Variants in CTNND1 observed in about 807,000 individuals in gnomAD.
The protein encoded by CTNND1 is catenin delta 1, also known as catenin delta-1.
A neutral mutation model predicts 112.1 loss-of-function variants in CTNND1; 16 were observed. That is an observed-to-expected ratio of 0.14 (90% CI 0.10 to 0.22). The LOEUF (loss-of-function observed/expected upper bound fraction) is 0.22. Among genes scored for constraint, CTNND1 ranks in the 10% least tolerant of loss-of-function variants. The pLI, the probability that CTNND1 is intolerant of heterozygous loss-of-function variation, is 1.00. For synonymous variants in CTNND1, 420 were observed against 446.5 expected (o/e 0.94, Z 0.75); for missense variants, 1,008 against 1,257.0 (o/e 0.80, Z 3.00).
intron 1 of CTNND1, among the ~76,000 whole-genome samples, chr11:57,775,423 G>A (rs1953970437): frequency 6.6e-6 from 1 of 151,902 alleles, no homozygotes; most frequent in Non-Finnish European, 1.5e-5. Context: ...CGAGAAGGTC[G>A]TTAATTTGAA....
intron 10 of CTNND1, 93 bp downstream of exon 10, chr11:57,806,128 T>TG (rs2062633537): frequency 2.8e-6 from 4 of 1,446,094 alleles, no homozygotes; most frequent in African/African-American, 1.4e-5. Flanking sequence ...GGCAACAGTA[T>TG]GGGAGTCTGC....
At chr11:57,768,518 C>G (rs976405508) in intron 1 of CTNND1, among the ~76,000 whole-genome samples, 2 of 150,316 alleles carry the variant, frequency 1.3e-5, no homozygotes, top group Admixed American at 6.7e-5. Context: ...CTCAGCCTCC[C>G]GAGTAGCTGG....
chr11:57,786,628 T>C (rs1337147248), intron 1 of CTNND1, among the ~76,000 whole-genome samples: 1 of 152,208 alleles, frequency 6.6e-6, no homozygotes, highest in Non-Finnish European at 1.5e-5. Flanking sequence ...CAAAGTCAGC[T>C]GAAGGTTTGT....
At chr11:57,773,945 AAAC>A (rs1039763231) in intron 1 of CTNND1, among the ~76,000 whole-genome samples, 2 of 152,046 alleles carry the variant, frequency 1.3e-5, no homozygotes, top group African/African-American at 4.8e-5. Context: ...TCAAAAAACA[AAAC>A]AATTTTATTT....
In CTNND1 at chr11:57,761,848, A is replaced by C; in HGVS notation, c.-485A>C. ...GGCTCCCTTGCCTTTGGCTGGGTGC[A>C]ACTTCCATTTTAGGTGTTGGATCTG... On this transcript the variant is annotated 5_prime_UTR_variant, in exon 1 of 21. Transcript: ENST00000399050. 3 of 985,284 alleles carry C rather than the reference A, an allele frequency of 3.0e-6. No homozygotes were observed. The highest frequency in any genetic ancestry group is 3.6e-6 in the Non-Finnish European group (3 of 829,936). The allele number at this position is 985,284 out of a possible 1,614,324, so 61.0% of individuals were successfully genotyped here. A position where few individuals can be genotyped will look rare whatever the true frequency, so the allele number is the denominator to read the frequency against.
chr11:57,796,414 A>G (rs1431201776), intron 5 of CTNND1, 43 bp from the exon 6 acceptor site: 1 of 1,504,376 alleles, frequency 6.6e-7, no homozygotes. Flanking sequence ...TTAATTGCTC[A>G]CTTCCTTAAT....
rs1162162561 is a variant in CTNND1, at chr11:57,788,859, G to A, written c.-213-178G>A. ...GGTTTTAATGAAAATGACATCCAAG[G>A]CCTAGGTATCTGAACACAACAAGGT... On this transcript the variant is annotated intron_variant, in intron 1 of 20. Coordinates refer to ENST00000399050, the MANE Select transcript of CTNND1 (RefSeq NM_001085458.2). This position sits in a 1 kb window ranked among gnomAD's most constrained non-coding sequence, Gnocchi z 4.1. Among the ~76,000 whole-genome samples, 2 of 152,148 alleles carry A rather than the reference G, an allele frequency of 1.3e-5. No homozygotes were observed. The highest frequency in any genetic ancestry group is 1.3e-4 in the Admixed American group (2 of 15,278).
chr11:57,808,098 C>T (rs1313630899), intron 12 of CTNND1, 67 bp from the exon 13 acceptor site: 4 of 1,534,610 alleles, frequency 2.6e-6, no homozygotes, highest in Non-Finnish European at 3.5e-6. Flanking sequence ...GGCTGGACTC[C>T]AGCCAGCTAG....
At chr11:57,764,090 G>A (rs953412780) in intron 1 of CTNND1, 2 of 152,064 alleles carry the variant, frequency 1.3e-5, no homozygotes, top group East Asian at 3.8e-4. Flanking sequence ...TAAATTTTTT[G>A]TTTTGCTCAT....
intron 1 of CTNND1, among the ~76,000 whole-genome samples, chr11:57,782,605 A>T (rs140984717): frequency 1.3e-5 from 2 of 152,366 alleles, no homozygotes; most frequent in African/African-American, 4.8e-5. Context: ...GCCAAAACTC[A>T]GTGATTGGCA....
chr11:57,807,538 G>A (rs919543553), intron 12 of CTNND1, among the ~76,000 whole-genome samples: 5 of 149,298 alleles, frequency 3.3e-5, no homozygotes, highest in South Asian at 2.1e-4. Flanking sequence ...TCTGGGAAGC[G>A]GAGGTTGCAG....
At chr11:57,791,885 T>G (rs2060786082) in intron 3 of CTNND1, among the ~76,000 whole-genome samples, 1 of 152,200 alleles carries the variant, frequency 6.6e-6, no homozygotes, top group Non-Finnish European at 1.5e-5. Flanking sequence ...TCTAGAAGCA[T>G]CCATCTGACT....
At chr11:57,807,296 G>C (rs1168514752) in intron 12 of CTNND1, among the ~76,000 whole-genome samples, 1 of 152,120 alleles carries the variant, frequency 6.6e-6, no homozygotes, top group African/African-American at 2.4e-5. Flanking sequence ...ATTAAAAGAG[G>C]CTTCTTTACC....
At chr11:57,786,515 T>A (rs1591377832) in intron 1 of CTNND1, among the ~76,000 whole-genome samples, 1 of 151,992 alleles carries the variant, frequency 6.6e-6, no homozygotes, top group South Asian at 2.1e-4. Flanking sequence ...CCTGGGCCAC[T>A]AAGCGAGACT....
At chr11:57,782,939 G>A (rs2059732058) in intron 1 of CTNND1, among the ~76,000 whole-genome samples, 1 of 152,220 alleles carries the variant, frequency 6.6e-6, no homozygotes, top group Non-Finnish European at 1.5e-5. Flanking sequence ...ATTAACAGAA[G>A]ATGAGTCTTC....
Position 57,791,465 on chromosome 11 carries a change from C to T in CTNND1, c.-14C>T, listed in dbSNP as rs773666095. On this transcript the variant is annotated 5_prime_UTR_variant, in exon 3 of 21. Coordinates refer to ENST00000399050, the MANE Select transcript of CTNND1 (RefSeq NM_001085458.2). ...TTTTTACCCTGCCCTGCGGCGGCTCCGCCCCTTACCTTCATGGACGACTCA... is the reference window on the plus strand; with the variant it reads ...TTTTTACCCTGCCCTGCGGCGGCTCTGCCCCTTACCTTCATGGACGACTCA... 8.2e-6 allele frequency: 12 copies of T among 1,465,834 alleles called. No individual in the cohort carries two copies. Among genetic ancestry groups the T allele is most frequent in the South Asian group, 2.7e-5 (2 of 74,316 alleles). 90.8% of individuals were successfully genotyped at this position (1,465,834 alleles called of 1,614,324 possible).
rs767391083 is a variant in CTNND1 at position 57,791,461 on chromosome 11, G to A, written c.-18G>A. On this transcript the variant is annotated 5_prime_UTR_variant, in exon 3 of 21. Transcript: ENST00000399050. ...TTCCTTTTTACCCTGCCCTGCGGCG[G>A]CTCCGCCCCTTACCTTCATGGACGA... is the stretch of plus-strand genomic sequence containing the variant. The A allele has an allele frequency of 5.0e-4, 732 of 1,455,812 alleles. No homozygotes were observed. The highest frequency in any genetic ancestry group is 6.3e-4 in the Non-Finnish European group (690 of 1,097,464). 90.2% of individuals were successfully genotyped at this position (1,455,812 alleles called of 1,614,324 possible). A position where few individuals can be genotyped will look rare whatever the true frequency, so the allele number is the denominator to read the frequency against.
intron 1 of CTNND1, among the ~76,000 whole-genome samples, chr11:57,769,943 C>T (rs1227332492): frequency 6.6e-6 from 1 of 152,150 alleles, no homozygotes; most frequent in East Asian, 1.9e-4. Flanking sequence ...ATTACTTTCT[C>T]CGGAGTAAAT....
chr11:57,796,161 C>T (rs11229132), intron 5 of CTNND1, among the ~76,000 whole-genome samples: 2,475 of 151,934 alleles, frequency 0.016, 59 homozygotes, highest in African/African-American at 0.056. Flanking sequence ...CTGAGGTGGG[C>T]GGATCACGAG....
Sources: gnomAD v4.1 joint callset for allele counts (sites outside exome capture counted in the v4.1 genomes callset) on GRCh38, gnomAD v4.1.1 for gene constraint, Gnocchi (gnomAD v3.1) non-coding constraint, MANE v1.5 for transcripts, NCBI Gene and HGNC (gene_info 2026-07-23, HGNC 2026-07-21) for gene names.